Variants in DNMBP observed in about 807,000 individuals in gnomAD.
DNMBP encodes the protein dynamin binding protein, also known as dynamin-binding protein.
Under a neutral mutation model 150.0 loss-of-function variants are expected in DNMBP, and 87 were observed. The ratio of observed to expected loss-of-function variants is 0.58; its 90% CI spans 0.49 to 0.69. The LOEUF (loss-of-function observed/expected upper bound fraction) is 0.69, where lower values mean the gene tolerates loss of function less well. Ranked by LOEUF, DNMBP falls within the 30% of genes least tolerant of loss-of-function variation. DNMBP has a pLI of 0.00. For synonymous variants in DNMBP, 711 were observed against 750.4 expected, an observed-to-expected ratio of 0.95 and a Z score of 0.86; for missense variants, 1,774 against 1,949.0, an observed-to-expected ratio of 0.91 and a Z score of 1.69.
intron 4 of DNMBP, among the ~76,000 whole-genome samples, chr10:99,912,017 G>A (rs974348484): frequency 3.9e-5 from 6 of 152,082 alleles, no homozygotes; most frequent in African/African-American, 1.4e-4. Flanking sequence ...TCACATGCCA[G>A]GTACTTTACA....
At chr10:99,891,801 C>T (rs1400801289) in intron 11 of DNMBP, among the ~76,000 whole-genome samples, 26 of 145,662 alleles carry the variant, frequency 1.8e-4, no homozygotes, top group Admixed American at 6.8e-4. Context: ...TCGTCTGAGA[C>T]GTGGGGAGCG....
rs148099898 is a variant in DNMBP, at chr10:99,956,236, G to C, written c.1238C>G (p.Ser413Cys). The C allele has an allele frequency of 1.3e-5, 21 of 1,613,678 alleles. No individual in the cohort carries two copies. The highest frequency in any genetic ancestry group is 3.3e-5 in the Admixed American group (2 of 59,954). The stretch of plus-strand genomic sequence containing the variant: ...ATGAAAAGGGACCTGAGGTTGGGAG[G>C]AAATACCATTGACTACTTCTGTAGG... ...SDPTEVVNGI[S>C]SQPQVPFHPN... The change falls in exon 4 of 17, where the codon TCC becomes TGC. Residue 413 changes from serine to cysteine, a missense_variant. This residue lies in a region of DNMBP where 1,430 missense variants were observed against 1,492.5 expected (regional missense o/e 0.96). Coordinates refer to ENST00000324109, the MANE Select transcript of DNMBP (RefSeq NM_015221.4).
chr10:100,009,313 G>C (rs1196703843), intron 1 of DNMBP, among the ~76,000 whole-genome samples: 1 of 152,220 alleles, frequency 6.6e-6, no homozygotes, highest in Non-Finnish European at 1.5e-5. Flanking sequence ...GGTGTCCGCG[G>C]GTTTCTGCAA....
chr10:99,953,576 T>C (rs1282887599), intron 4 of DNMBP, among the ~76,000 whole-genome samples: 2 of 152,062 alleles, frequency 1.3e-5, no homozygotes, highest in African/African-American at 4.8e-5. Flanking sequence ...TCCCAGCACT[T>C]TGGGAGGCCA....
chr10:99,943,816 G>A (rs1004926060), intron 4 of DNMBP, among the ~76,000 whole-genome samples: 5 of 152,090 alleles, frequency 3.3e-5, no homozygotes, highest in East Asian at 1.9e-4. Flanking sequence ...AGAATATTAC[G>A]TATCACTTTA....
chr10:99,955,949 G>C lies in DNMBP; in HGVS notation c.1525C>G (p.His509Asp), dbSNP rs747295972. 1 of 1,614,094 alleles carries C rather than the reference G, an allele frequency of 6.2e-7. No homozygotes were observed. The highest frequency in any genetic ancestry group is 1.3e-5 in the African/African-American group (1 of 74,928). ...LHNLASYTKK[H>D]HTSSVYSISE... ...ATGGAGTAAACACTGGACGTGTGGT[G>C]CTTTTTAGTATAACTTGCTAGGTTG... Residue 509 changes from histidine (H) to aspartate (D), a missense_variant, in exon 4 of 17, where the codon CAC becomes GAC. By Grantham distance (81) the His-to-Asp change is moderately conservative. Coordinates refer to ENST00000324109, the MANE Select transcript of DNMBP (RefSeq NM_015221.4).
intron 1 of DNMBP, among the ~76,000 whole-genome samples, chr10:100,004,125 G>A (rs1322152912): frequency 1.3e-5 from 2 of 151,298 alleles, no homozygotes; most frequent in East Asian, 3.9e-4. Flanking sequence ...CATGCCTGTG[G>A]TCTCAGCTAC....
chr10:99,877,091 C>CGAAT lies in DNMBP; in HGVS notation c.*59_*60insATTC. 1 of 1,485,890 alleles carries CGAAT rather than the reference C, an allele frequency of 6.7e-7. No individual in the cohort carries two copies. 92.0% of individuals were successfully genotyped at this position (1,485,890 alleles called of 1,614,324 possible). On this transcript the variant is annotated 3_prime_UTR_variant, in exon 17 of 17. Transcript: ENST00000324109. The stretch of plus-strand genomic sequence containing the variant: ...GAGCAGGCGCCCTCTCGGTGGGCCG[C>CGAAT]CAGAACCCTCGGCGGACTGAAAGCA...
chr10:99,901,240 T>C (rs887618557), intron 6 of DNMBP, among the ~76,000 whole-genome samples: 1 of 152,194 alleles, frequency 6.6e-6, no homozygotes, highest in Non-Finnish European at 1.5e-5. Context: ...TATGTACTTC[T>C]TTATAAGGTA....
chr10:100,008,240 A>C (rs889350058), intron 1 of DNMBP, among the ~76,000 whole-genome samples: 5 of 152,228 alleles, frequency 3.3e-5, no homozygotes, highest in African/African-American at 9.6e-5. Flanking sequence ...AAGACAAATA[A>C]ATAACTGGTG....
chr10:99,959,991 T>A (rs2040546675), intron 3 of DNMBP, among the ~76,000 whole-genome samples: 1 of 152,146 alleles, frequency 6.6e-6, no homozygotes. Flanking sequence ...TATATTATAA[T>A]GAGATCTTAA....
intron 12 of DNMBP, among the ~76,000 whole-genome samples, chr10:99,887,085 T>C (rs1012953577): frequency 1.3e-5 from 2 of 149,034 alleles, no homozygotes; most frequent in African/African-American, 5.1e-5. Context: ...CATAACTAGG[T>C]AATACCCATT....
At chr10:99,968,986 C>A (rs1461842216) in intron 3 of DNMBP, 129 bp downstream of exon 3, 16 of 996,794 alleles carry the variant, frequency 1.6e-5, no homozygotes, top group Non-Finnish European at 2.1e-5. Flanking sequence ...TACGTCCACG[C>A]TATTTGGTAT....
intron 13 of DNMBP, 91 bp downstream of exon 13, chr10:99,886,209 A>G (rs998651576): frequency 9.2e-7 from 1 of 1,087,734 alleles, no homozygotes; most frequent in African/African-American, 1.6e-5. Context: ...TCTAATTCAG[A>G]TAATTTTTCA....
intron 4 of DNMBP, among the ~76,000 whole-genome samples, chr10:99,942,668 T>C (rs2040313157): frequency 6.6e-6 from 1 of 152,222 alleles, no homozygotes; most frequent in Non-Finnish European, 1.5e-5. Context: ...TACAAACTGC[T>C]AAGAACAGTG....
At chr10:99,913,630 T>C (rs565230828) in intron 4 of DNMBP, among the ~76,000 whole-genome samples, 5 of 152,232 alleles carry the variant, frequency 3.3e-5, no homozygotes, top group African/African-American at 1.2e-4. Flanking sequence ...TCAGTGATTG[T>C]GGCTTACCCC....
intron 4 of DNMBP, among the ~76,000 whole-genome samples, chr10:99,917,753 C>T (rs2039979515): frequency 6.6e-6 from 1 of 151,750 alleles, no homozygotes; most frequent in Admixed American, 6.6e-5. Flanking sequence ...ATCACGAGGT[C>T]AGGAGTTCGA....
rs773409433 is a variant in DNMBP at position 99,886,563 on chromosome 10, T to G, written c.3355A>C (p.Lys1119Gln). The G allele has an allele frequency of 1.9e-6, 3 of 1,614,134 alleles. No homozygotes were observed. In the East Asian group the frequency reaches 6.7e-5, roughly 36 times the overall value. Residue 1119 changes from lysine to glutamine, a missense_variant, in exon 13 of 17, where the codon AAG becomes CAG. Lys to Gln is a moderately conservative substitution (Grantham distance 53). Coordinates refer to ENST00000324109, the MANE Select transcript of DNMBP (RefSeq NM_015221.4). ...TTGTCAAAGCGTTTCTGTACCAGCT[T>G]ATGGGGCCCTGTAAACATGCTCAGT... ...QLLSMFTGPH[K>Q]LVQKRFDKLL...
chr10:100,007,886 T>C (rs1341446217), intron 1 of DNMBP, among the ~76,000 whole-genome samples: 3 of 152,266 alleles, frequency 2.0e-5, no homozygotes. Context: ...TTCCAGAGTG[T>C]GTATAATAAG....
Sources: allele counts gnomAD v4.1 joint callset (sites outside exome capture counted in the v4.1 genomes callset), GRCh38; gene constraint gnomAD v4.1.1; regional missense constraint gnomAD v4.1.1; transcripts MANE v1.5; gene names NCBI Gene and HGNC (gene_info 2026-07-23, HGNC 2026-07-21).